The following PRH1 variants were observed in gnomAD, a reference collection of about 807,000 sequenced individuals.
PRH1 encodes the protein proline rich protein HaeIII subfamily 1.
Under a neutral mutation model 7.9 loss-of-function variants are expected in PRH1, and 7 were observed. That is an observed-to-expected ratio of 0.89 (90% CI 0.50 to 1.67). The LOEUF is 1.67. PRH1 is among the 40% of genes most tolerant of loss of function. The probability of loss-of-function intolerance (pLI) is 0.00; values close to 1 mark genes in which losing one functional copy is unlikely to be tolerated. For synonymous variants in PRH1, 45 were observed against 80.8 expected, an observed-to-expected ratio of 0.56 and a Z score of 2.38; for missense variants, 109 against 223.6, an observed-to-expected ratio of 0.49 and a Z score of 3.27.
At chr12:11,038,200 C>T (rs1942525354) in intron 1 of PRH1, among the ~76,000 whole-genome samples, 1 of 152,154 alleles carries the variant, frequency 6.6e-6, no homozygotes, top group Non-Finnish European at 1.5e-5. Context: ...TATGTTTCTG[C>T]TTTTTTAACA....
intron 1 of PRH1, chr12:11,091,143 T>TATATATATA (rs1565644368): frequency 2.4e-4 from 15 of 61,242 alleles, no homozygotes; most frequent in East Asian, 5.2e-4. Context: ...TATATATATA[T>TATATATATA]TTTCTAGACT....
At chr12:11,104,508 T>A (rs200254984) in intron 1 of PRH1, among the ~76,000 whole-genome samples, 5 of 145,736 alleles carry the variant, frequency 3.4e-5, no homozygotes, top group African/African-American at 1.2e-4. Context: ...TATTATTCTG[T>A]TGTAAACATG....
intron 1 of PRH1, among the ~76,000 whole-genome samples, chr12:11,169,479 T>C (rs914893782): frequency 7.9e-5 from 12 of 152,284 alleles, no homozygotes; most frequent in African/African-American, 2.4e-4. Context: ...AGTGGGTGGC[T>C]GCTATTTTCC....
At chr12:10,973,412 C>T (rs933570894) in intron 2 of PRH1, 1 of 351,420 alleles carries the variant, frequency 2.8e-6, no homozygotes, top group Admixed American at 4.6e-5. Flanking sequence ...ATGGCCAGGA[C>T]AGAAACCCAG....
intron 1 of PRH1, among the ~76,000 whole-genome samples, chr12:11,045,099 T>C (rs1283081815): frequency 6.6e-6 from 1 of 152,142 alleles, no homozygotes; most frequent in Non-Finnish European, 1.5e-5. Context: ...ATATGGTACA[T>C]ATACACAATG....
chr12:11,110,035 A>G (rs1294744477), intron 1 of PRH1, among the ~76,000 whole-genome samples: 1 of 152,162 alleles, frequency 6.6e-6, no homozygotes, highest in Non-Finnish European at 1.5e-5. Flanking sequence ...ACAAATATCA[A>G]TAGGTGAACC....
At chr12:11,138,565 T>G (rs556794410) in intron 1 of PRH1, among the ~76,000 whole-genome samples, 10 of 152,188 alleles carry the variant, frequency 6.6e-5, no homozygotes, top group Non-Finnish European at 1.3e-4. Context: ...CATCTTACTA[T>G]AGTTTATTGG....
Position 10,986,032 on chromosome 12 carries a change from A to T in PRH1, c.-125-12311T>A. ...TTCTTGGTTCTCCAAATTAGGATGA[A>T]TGAGTCGAATGCAAGATATATGTTT... On this transcript the variant is annotated intron_variant, in intron 1 of 3. Transcript: ENST00000539853. 1 of 1,614,028 alleles carries T rather than the reference A, an allele frequency of 6.2e-7. No individual in the cohort carries two copies. The highest frequency in any genetic ancestry group is 8.5e-7 in the Non-Finnish European group (1 of 1,179,968).
At chr12:10,973,837 G>A in intron 1 of PRH1, 1 of 553,034 alleles carries the variant, frequency 1.8e-6, no homozygotes, top group Non-Finnish European at 3.3e-6. Flanking sequence ...TATAGGTGAA[G>A]AGTCAACTTA....
At chr12:11,133,766 C>A (rs781146450) in intron 1 of PRH1, 2 of 1,614,162 alleles carry the variant, frequency 1.2e-6, no homozygotes, top group Non-Finnish European at 1.7e-6. Flanking sequence ...AGTCACGTTT[C>A]CTTCATATTC....
At chr12:10,911,856 C>A (rs1305621881) in intron 2 of PRH1, among the ~76,000 whole-genome samples, 1 of 152,092 alleles carries the variant, frequency 6.6e-6, no homozygotes. Flanking sequence ...ACTTTGTAAA[C>A]CCCATAACAC....
chr12:10,887,660 T>C (rs1283766185), upstream of PRH1, among the ~76,000 whole-genome samples: 3 of 151,874 alleles, frequency 2.0e-5, no homozygotes, highest in Non-Finnish European at 4.4e-5. Context: ...TAGCTGGGAT[T>C]ACAGGTCCCT....
intron 2 of PRH1, among the ~76,000 whole-genome samples, chr12:10,948,496 A>G (rs970444909): frequency 6.6e-5 from 10 of 152,044 alleles, no homozygotes; most frequent in Non-Finnish European, 1.2e-4. Context: ...AATTCTTTCT[A>G]ATACTGGTTA....
chr12:11,170,095 T>TG lies in PRH1; in HGVS notation n.39+1326_39+1327insC, dbSNP rs1392712598. 3.3e-5 allele frequency among the ~76,000 whole-genome samples: 5 copies of TG among 152,226 alleles called. No individual in the cohort carries two copies. The East Asian group carries it at 9.6e-4, about 29-fold the overall frequency. On this transcript the variant is annotated intron_variant and non_coding_transcript_variant, in intron 1 of 1. Coordinates refer to the PRH1 transcript ENST00000541175. ...CATGATCAGAAATCACACATTTGAATAATCCATGAATGAAGACGGTGTGTG... is the reference window on the plus strand; with the variant it reads ...CATGATCAGAAATCACACATTTGAATGAATCCATGAATGAAGACGGTGTGTG...
intron 1 of PRH1, chr12:11,159,287 C>G (rs1947346779): frequency 6.6e-6 from 1 of 151,366 alleles, no homozygotes; most frequent in South Asian, 2.1e-4. Context: ...AGAACAAAGA[C>G]CGCAGGAAAA....
At chr12:11,078,227 G>C in intron 1 of PRH1, 1 of 419,386 alleles carries the variant, frequency 2.4e-6, no homozygotes, top group Non-Finnish European at 4.7e-6. Flanking sequence ...AAAATGATGA[G>C]CAGAAAATAT....
rs999726678 is a variant in PRH1, at chr12:11,128,097, C to T, written n.40-6917G>A. The stretch of plus-strand genomic sequence containing the variant: ...CTGCACTCTAGCCTGGGCGACAGAG[C>T]GAGACTCAGTCTCAAAAAAAAAAAA... On this transcript the variant is annotated intron_variant and non_coding_transcript_variant, in intron 1 of 1. Coordinates refer to the PRH1 transcript ENST00000541175. Among the ~76,000 whole-genome samples the T allele has an allele frequency of 1.1e-3, 119 of 105,384 alleles. 1 individual carries two copies. Among genetic ancestry groups the T allele is most frequent in the African/African-American group, 4.1e-3 (117 of 28,848 alleles). The allele number at this position is 105,384 out of a possible 152,430, so 69.1% of individuals were successfully genotyped here. A position where few individuals can be genotyped will look rare whatever the true frequency, so the allele number is the denominator to read the frequency against.
At chr12:11,021,944 G>A (rs202189737) in intron 1 of PRH1, 106 of 1,613,922 alleles carry the variant, frequency 6.6e-5, no homozygotes, top group Non-Finnish European at 3.5e-5. Flanking sequence ...CTATGGAGCC[G>A]CATCTTCTTG....
rs150220430 is a variant in PRH1 at position 10,947,793 on chromosome 12, G to A, written c.-59+25862C>T. Among the ~76,000 whole-genome samples, 495 of 151,734 alleles carry A rather than the reference G, an allele frequency of 3.3e-3. 1 individual carries two copies. Among genetic ancestry groups the A allele is most frequent in the South Asian group, 7.7e-3 (37 of 4,802 alleles). Reference sequence around the variant, plus strand: ...GGTGTTCTTTTCTATACTAAGTGCCGCTTTCAAGATCTCTTGTAAGGCAGT... The same window carrying A: ...GGTGTTCTTTTCTATACTAAGTGCCACTTTCAAGATCTCTTGTAAGGCAGT... On this transcript the variant is annotated intron_variant, in intron 2 of 3. Transcript: ENST00000539853.
Sources: gnomAD v4.1 joint callset for allele counts (sites outside exome capture counted in the v4.1 genomes callset) on GRCh38, gnomAD v4.1.1 for gene constraint, MANE v1.5 for transcripts, NCBI Gene and HGNC (gene_info 2026-07-23, HGNC 2026-07-21) for gene names.